The following PPP1R9A variants were observed in gnomAD, a reference collection of about 807,000 sequenced individuals.
PPP1R9A encodes neurabin-1.
PPP1R9A carries 59 observed loss-of-function variants against 141.9 expected under a neutral mutation model. The ratio of observed to expected loss-of-function variants is 0.42; its 90% CI spans 0.34 to 0.52. The LOEUF (loss-of-function observed/expected upper bound fraction) is 0.52, where lower values mean the gene tolerates loss of function less well. PPP1R9A is among the 20% of genes least tolerant of loss of function. The pLI, the probability that PPP1R9A is intolerant of heterozygous loss-of-function variation, is 0.10. For synonymous variants in PPP1R9A, 500 were observed against 569.7 expected (o/e 0.88, Z 1.74); for missense variants, 1,444 against 1,611.9 (o/e 0.90, Z 1.78).
intron 2 of PPP1R9A, among the ~76,000 whole-genome samples, chr7:95,002,349 G>A (rs1342070465): frequency 6.6e-6 from 1 of 152,132 alleles, no homozygotes; most frequent in Non-Finnish European, 1.5e-5. Flanking sequence ...TCAGGATCAT[G>A]AACAATCTGA....
intron 2 of PPP1R9A, among the ~76,000 whole-genome samples, chr7:94,981,084 C>T (rs1045019368): frequency 1.3e-5 from 2 of 152,108 alleles, no homozygotes; most frequent in Non-Finnish European, 2.9e-5. Context: ...GTTGCTTGCT[C>T]ACAGTTTTTC....
chr7:95,154,325 T>A (rs923751771), intron 4 of PPP1R9A, among the ~76,000 whole-genome samples: 1 of 152,092 alleles, frequency 6.6e-6, no homozygotes, highest in African/African-American at 2.4e-5. Flanking sequence ...GTACATTTTT[T>A]AAAAAGTTTC....
Position 95,294,676 on chromosome 7 carries a change from A to G in PPP1R9A, c.*4373A>G, listed in dbSNP as rs1210807199. On this transcript the variant is annotated 3_prime_UTR_variant, in exon 20 of 20. Coordinates refer to ENST00000433360, the MANE Select transcript of PPP1R9A (RefSeq NM_001166160.2). ...CTGGAGAAAAAAATAACACCAGACA[A>G]AACACATTTGAGTAACTTGAAGTAG... 3 of 152,222 alleles carry G rather than the reference A, an allele frequency of 2.0e-5. No homozygotes were observed. 9.4% of individuals were successfully genotyped at this position (152,222 alleles called of 1,614,324 possible).
chr7:95,228,759 T>A (rs1016074032), intron 8 of PPP1R9A, among the ~76,000 whole-genome samples: 3 of 152,226 alleles, frequency 2.0e-5, no homozygotes, highest in African/African-American at 7.2e-5. Context: ...ACTGGCATTT[T>A]AAAAATCACA....
chr7:95,174,224 G>T (rs1258037042), intron 5 of PPP1R9A, among the ~76,000 whole-genome samples: 1 of 152,046 alleles, frequency 6.6e-6, no homozygotes, highest in Non-Finnish European at 1.5e-5. Flanking sequence ...TACCATGTAT[G>T]ACTCTCAAAA....
intron 2 of PPP1R9A, among the ~76,000 whole-genome samples, chr7:94,940,861 C>T (rs910122069): frequency 2.0e-5 from 3 of 152,058 alleles, no homozygotes; most frequent in Non-Finnish European, 4.4e-5. Context: ...TAAGTTAGGA[C>T]ACTGGAAGTC....
intron 8 of PPP1R9A, among the ~76,000 whole-genome samples, chr7:95,233,391 G>A (rs955270425): frequency 6.6e-6 from 1 of 151,968 alleles, no homozygotes; most frequent in Admixed American, 6.6e-5. Context: ...CAAGGGGAGG[G>A]ATAGCATTAG....
At chr7:95,266,321 A>T (rs1312494254) in intron 12 of PPP1R9A, among the ~76,000 whole-genome samples, 3 of 136,040 alleles carry the variant, frequency 2.2e-5, no homozygotes, top group Non-Finnish European at 5.1e-5. Context: ...ACTTTTCAAC[A>T]TGTCATCCTT....
At chr7:95,059,292 C>G (rs1203123742) in intron 2 of PPP1R9A, among the ~76,000 whole-genome samples, 1 of 151,968 alleles carries the variant, frequency 6.6e-6, no homozygotes, top group African/African-American at 2.4e-5. Context: ...CGTCTTCTAC[C>G]CTTCTCCTCA....
intron 5 of PPP1R9A, among the ~76,000 whole-genome samples, chr7:95,165,473 C>G (rs7806304): frequency 0.6 from 91,154 of 152,070 alleles, 27,833 homozygotes; most frequent in African/African-American, 0.72. Flanking sequence ...TCCAGCCTTA[C>G]TAAAGCATTC....
intron 2 of PPP1R9A, among the ~76,000 whole-genome samples, chr7:95,106,117 A>G (rs576283942): frequency 6.6e-6 from 1 of 152,232 alleles, no homozygotes; most frequent in East Asian, 1.9e-4. Flanking sequence ...AATTTAATTT[A>G]AAAAAAGAGA....
At chr7:95,274,223 C>T in intron 16 of PPP1R9A, 55 bp downstream of exon 16, 1 of 1,428,810 alleles carries the variant, frequency 7.0e-7, no homozygotes, top group East Asian at 2.5e-5. Flanking sequence ...TTTCTGGCCC[C>T]CTCTTCTATT....
rs528148728 is a variant in PPP1R9A, at chr7:95,051,320, A to G, written c.1396-59939A>G. On this transcript the variant is annotated intron_variant, in intron 2 of 19. Transcript: ENST00000433360. ...ATTTATATGGGTGTGTTTCTAGGCT[A>G]TCGTGTACAATTGATCTGTTTGTCT... Among the ~76,000 whole-genome samples, 5 of 152,188 alleles carry G rather than the reference A, an allele frequency of 3.3e-5. No individual in the cohort carries two copies. The South Asian group carries it at 6.2e-4, about 19-fold the overall frequency.
intron 2 of PPP1R9A, among the ~76,000 whole-genome samples, chr7:95,014,796 G>A (rs1341962534): frequency 6.6e-6 from 1 of 151,968 alleles, no homozygotes; most frequent in Non-Finnish European, 1.5e-5. Flanking sequence ...GTACTGTAAG[G>A]AAGAAGTTTC....
At chr7:95,143,294 G>A (rs1827025826) in intron 4 of PPP1R9A, among the ~76,000 whole-genome samples, 1 of 152,030 alleles carries the variant, frequency 6.6e-6, no homozygotes, top group Admixed American at 6.6e-5. Flanking sequence ...TTTTGGTCTG[G>A]TTTAGTCTTT....
At chr7:95,111,479 G>A in intron 3 of PPP1R9A, 88 bp downstream of exon 3, 1 of 1,269,174 alleles carries the variant, frequency 7.9e-7, no homozygotes, top group Non-Finnish European at 1.1e-6. Context: ...TTTTTCTAAG[G>A]ATTGGATAAA....
intron 16 of PPP1R9A, 52 bp from the exon 17 acceptor site, chr7:95,283,966 T>C: frequency 2.1e-6 from 3 of 1,410,356 alleles, no homozygotes; most frequent in Non-Finnish European, 2.9e-6. Flanking sequence ...GTTCAGTAGG[T>C]CTTTTATCCG....
At chr7:95,080,564 T>C (rs970899675) in intron 2 of PPP1R9A, among the ~76,000 whole-genome samples, 3 of 152,186 alleles carry the variant, frequency 2.0e-5, no homozygotes, top group Non-Finnish European at 4.4e-5. Flanking sequence ...ACCAATGACT[T>C]TCTTCACAGA....
intron 16 of PPP1R9A, among the ~76,000 whole-genome samples, chr7:95,281,183 T>C (rs1276057007): frequency 6.6e-6 from 1 of 152,178 alleles, no homozygotes; most frequent in Non-Finnish European, 1.5e-5. Flanking sequence ...TCATGGGGTT[T>C]TAAAATCACA....
Sources: gnomAD v4.1 joint callset for allele counts (sites outside exome capture counted in the v4.1 genomes callset) on GRCh38, gnomAD v4.1.1 for gene constraint, MANE v1.5 for transcripts, NCBI Gene and HGNC (gene_info 2026-07-23, HGNC 2026-07-21) for gene names.